Variants in NTN1 observed in about 807,000 individuals in gnomAD.
The protein encoded by NTN1 is netrin 1, also known as netrin-1.
Under a neutral mutation model 54.2 loss-of-function variants are expected in NTN1, and 11 were observed. That is an observed-to-expected ratio of 0.20 (90% CI 0.13 to 0.34). NTN1 has a LOEUF of 0.34. Among genes scored for constraint, NTN1 ranks in the 10% least tolerant of loss-of-function variants. NTN1 has a pLI of 1.00. For synonymous variants in NTN1, 371 were observed against 382.0 expected, an observed-to-expected ratio of 0.97 and a Z score of 0.33; for missense variants, 740 against 893.1, an observed-to-expected ratio of 0.83 and a Z score of 2.18.
chr17:9,139,734 G>A (rs2092291887), intron 2 of NTN1, among the ~76,000 whole-genome samples: 1 of 152,162 alleles, frequency 6.6e-6, no homozygotes, highest in African/African-American at 2.4e-5. Context: ...GTGACTCACA[G>A]TAAAAATGTA....
chr17:9,060,132 A>C (rs2091992155), intron 2 of NTN1, among the ~76,000 whole-genome samples: 1 of 152,148 alleles, frequency 6.6e-6, no homozygotes, highest in Admixed American at 6.5e-5. Flanking sequence ...TTGAGGATCC[A>C]TTTATACATG....
At chr17:9,035,239 C>G (rs1199571766) in intron 2 of NTN1, among the ~76,000 whole-genome samples, 1 of 152,212 alleles carries the variant, frequency 6.6e-6, no homozygotes, top group Non-Finnish European at 1.5e-5. Context: ...AGCCACCGTG[C>G]CCAGACGGGT....
chr17:9,133,752 T>A (rs987030773), intron 2 of NTN1, among the ~76,000 whole-genome samples: 1 of 84,112 alleles, frequency 1.2e-5, no homozygotes, highest in Non-Finnish European at 2.1e-5. Context: ...CATGCCCAGC[T>A]AATTTTTTTT....
intron 2 of NTN1, among the ~76,000 whole-genome samples, chr17:9,081,790 G>A (rs574651460): frequency 6.6e-6 from 1 of 152,348 alleles, no homozygotes; most frequent in African/African-American, 2.4e-5. Context: ...CCTTAAGGTT[G>A]CCTTCAACCT....
At chr17:9,106,459 TCCTTCCTC>T (rs1270425636) in intron 2 of NTN1, among the ~76,000 whole-genome samples, 3,699 of 116,396 alleles carry the variant, frequency 0.032, 158 homozygotes, top group Non-Finnish European at 0.051. Context: ...TTTCCTTCCT[TCCTTCCTC>T]CCTTCCTTCC....
intron 2 of NTN1, among the ~76,000 whole-genome samples, chr17:9,157,095 T>C (rs2092345146): frequency 6.6e-6 from 1 of 152,212 alleles, no homozygotes; most frequent in East Asian, 1.9e-4. Flanking sequence ...TTGTTTGCTT[T>C]CTGTCTCTCA....
intron 5 of NTN1, among the ~76,000 whole-genome samples, chr17:9,201,251 C>T (rs879505768): frequency 2.6e-5 from 4 of 152,148 alleles, no homozygotes; most frequent in Admixed American, 2.6e-4. Context: ...ACCCCTCATC[C>T]AGGGAGGTAG....
chr17:9,204,246 TTCTC>T (rs370943781), intron 5 of NTN1, among the ~76,000 whole-genome samples: 7 of 147,534 alleles, frequency 4.7e-5, no homozygotes, highest in African/African-American at 1.7e-4. Flanking sequence ...CTTCCTCTGT[TTCTC>T]TCTCTCTCTC....
chr17:9,171,389 C>A (rs187049730), intron 3 of NTN1: 64 of 152,368 alleles, frequency 4.2e-4, no homozygotes, highest in African/African-American at 1.4e-3. Flanking sequence ...GCCTGAGTTA[C>A]ATCCAGATTG....
Position 9,239,641 on chromosome 17 carries a change from C to A in NTN1, c.1488C>A (p.Ala496=). The A allele has an allele frequency of 6.2e-7, 1 of 1,602,482 alleles. No homozygotes were observed. Among genetic ancestry groups the A allele is most frequent in the Non-Finnish European group, 8.5e-7 (1 of 1,170,334 alleles). The change falls in exon 7 of 7, where the codon GCC becomes GCA. Residue 496 remains alanine (A), a splice_region_variant and synonymous_variant. Transcript: ENST00000173229. This position sits in a 1 kb window ranked among gnomAD's most constrained non-coding sequence, Gnocchi z 5.2. ...CCGTCTGCCTGTGCTTCCTTGCAGC[C>A]GTCCAGATCCACATCCTGAAGGCGG... is the stretch of plus-strand genomic sequence containing the variant. ...NMKKYCKKDY[A]VQIHILKADK...
intron 6 of NTN1, among the ~76,000 whole-genome samples, chr17:9,228,801 A>G (rs1905685172): frequency 1.3e-5 from 2 of 148,188 alleles, no homozygotes; most frequent in African/African-American, 2.5e-5. Context: ...ATCTGTGGGG[A>G]GAAGCCAGAT....
intron 2 of NTN1, among the ~76,000 whole-genome samples, chr17:9,119,717 C>T (rs1186321487): frequency 3.9e-5 from 6 of 152,022 alleles, no homozygotes; most frequent in Non-Finnish European, 2.9e-5. Flanking sequence ...AGGCTGGTCT[C>T]GAACTCCTGG....
chr17:9,105,432 G>A (rs2092162684), intron 2 of NTN1, among the ~76,000 whole-genome samples: 1 of 152,202 alleles, frequency 6.6e-6, no homozygotes, highest in African/African-American at 2.4e-5. Context: ...GCTGAGAAAA[G>A]AATGCTCCCA....
intron 2 of NTN1, among the ~76,000 whole-genome samples, chr17:9,025,008 T>G (rs2091865444): frequency 6.6e-6 from 1 of 152,234 alleles, no homozygotes; most frequent in African/African-American, 2.4e-5. Context: ...TAAAAGCCCT[T>G]TATTGACATT....
At chr17:9,059,671 A>G (rs2091989935) in intron 2 of NTN1, among the ~76,000 whole-genome samples, 1 of 152,178 alleles carries the variant, frequency 6.6e-6, no homozygotes, top group African/African-American at 2.4e-5. Flanking sequence ...ATGGGGAGTG[A>G]CTGCCTAGTA....
rs374558014 is a variant in NTN1, at chr17:9,215,268, C to A, written c.1412-5900C>A. Among the ~76,000 whole-genome samples the A allele has an allele frequency of 2.8e-4, 37 of 133,818 alleles. No homozygotes were observed. In the South Asian group the frequency reaches 3.0e-3, roughly 11 times the overall value. The allele number at this position is 133,818 out of a possible 152,430, so 87.8% of individuals were successfully genotyped here. On this transcript the variant is annotated intron_variant, in intron 5 of 6. Transcript: ENST00000173229. ...AGATAGATACACACACACACACACA[C>A]ACACACACACACACACACACATACA...
At chr17:9,203,112 G>T (rs375889189) in intron 5 of NTN1, among the ~76,000 whole-genome samples, 1 of 151,836 alleles carries the variant, frequency 6.6e-6, no homozygotes, top group Non-Finnish European at 1.5e-5. Context: ...TACTAGAGAT[G>T]GGGTTTCACC....
In NTN1 at chr17:9,242,813, C is replaced by T. The variant is rs548489581; in HGVS notation, c.*2845C>T. The stretch of plus-strand genomic sequence containing the variant: ...CTCCCGACTGCAGCCCCGGCCTCTG[C>T]GGTGAGCACCATCCTTGGGAAAGCA... On this transcript the variant is annotated 3_prime_UTR_variant, in exon 7 of 7. Transcript: ENST00000173229. 69 of 152,656 alleles carry T rather than the reference C, an allele frequency of 4.5e-4. No individual in the cohort carries two copies. The highest frequency in any genetic ancestry group is 3.5e-3 in the South Asian group (17 of 4,836). The allele number at this position is 152,656 out of a possible 1,614,324, so 9.5% of individuals were successfully genotyped here.
At chr17:9,008,236 G>A in the NTN1 span, among the ~76,000 whole-genome samples, 1 of 152,036 alleles carries the variant, frequency 6.6e-6, no homozygotes, top group South Asian at 2.1e-4. Context: ...TGTTTGCCCT[G>A]TAGTAAGCTT....
Sources: allele counts gnomAD v4.1 joint callset (sites outside exome capture counted in the v4.1 genomes callset), GRCh38; gene constraint gnomAD v4.1.1; non-coding constraint Gnocchi (gnomAD v3.1); transcripts MANE v1.5; gene names NCBI Gene and HGNC (gene_info 2026-07-23, HGNC 2026-07-21).